The following DNPEP variants were observed in gnomAD, a reference collection of about 807,000 sequenced individuals.
DNPEP encodes the protein aspartyl aminopeptidase.
Under a neutral mutation model 59.1 loss-of-function variants are expected in DNPEP, and 46 were observed. The ratio of observed to expected loss-of-function variants is 0.78; its 90% CI spans 0.61 to 0.99. DNPEP has a LOEUF of 0.99. Ranked by LOEUF, DNPEP falls within the 50% of genes least tolerant of loss-of-function variation. DNPEP has a pLI of 0.00. For synonymous variants in DNPEP, 229 were observed against 242.2 expected, an observed-to-expected ratio of 0.95 and a Z score of 0.50; for missense variants, 617 against 649.9, an observed-to-expected ratio of 0.95 and a Z score of 0.55.
intron 13 of DNPEP, among the ~76,000 whole-genome samples, chr2:219,379,559 C>T (rs1315221245): frequency 6.6e-6 from 1 of 152,096 alleles, no homozygotes; most frequent in Non-Finnish European, 1.5e-5. Flanking sequence ...AATAGCTGTA[C>T]TATGTGTTTG....
chr2:219,387,003 C>G (rs1373814270), intron 2 of DNPEP, 23 bp from the exon 3 acceptor site: 34 of 1,614,016 alleles, frequency 2.1e-5, no homozygotes, highest in Non-Finnish European at 2.9e-5. Flanking sequence ...CACCCTCTCA[C>G]AGCGATGGAA....
intron 10 of DNPEP, 70 bp from the exon 11 acceptor site, chr2:219,382,209 G>C (rs1158944589): frequency 2.6e-6 from 4 of 1,538,450 alleles, no homozygotes; most frequent in Non-Finnish European, 3.5e-6. Flanking sequence ...CAGTGAGAGG[G>C]GCCCATTGCC....
chr2:219,399,941 T>A (rs1954160992), exon 1 of DNPEP: 4 of 1,549,132 alleles, frequency 2.6e-6, no homozygotes, highest in Non-Finnish European at 3.5e-6. Flanking sequence ...CCTGCTCACC[T>A]CCTCCCAAGG....
chr2:219,391,135 T>C (rs753562045), upstream of DNPEP, among the ~76,000 whole-genome samples: 1 of 152,240 alleles, frequency 6.6e-6, no homozygotes, highest in South Asian at 2.1e-4. Flanking sequence ...GTTTGACACA[T>C]TGTTTCCCTA....
At position 219,387,660 on chromosome 2, in the gene DNPEP, A is replaced by T. The variant is rs549814546; in HGVS notation, c.36+99T>A. On this transcript the variant is annotated intron_variant, in intron 1 of 14. Transcript: ENST00000273075. ...GGGGCTTTCGGTTTCGCTTTGGGTCAGGCGGCCCCACTGCAGCACCGCGCT... is the reference window on the plus strand; with the variant it reads ...GGGGCTTTCGGTTTCGCTTTGGGTCTGGCGGCCCCACTGCAGCACCGCGCT... 1.9e-4 allele frequency: 296 copies of T among 1,568,806 alleles called. 1 individual carries two copies. In the African/African-American group the frequency reaches 3.5e-3, roughly 18 times the overall value.
chr2:219,399,711 G>A (rs778169137), intron 1 of DNPEP, among the ~76,000 whole-genome samples: 11 of 152,202 alleles, frequency 7.2e-5, no homozygotes, highest in Non-Finnish European at 1.5e-4. Flanking sequence ...CCACTTGCTC[G>A]AGGTCTGGTT....
At chr2:219,384,532 G>T in intron 8 of DNPEP, 89 bp from the exon 9 acceptor site, 2 of 1,102,994 alleles carry the variant, frequency 1.8e-6, no homozygotes, top group Non-Finnish European at 2.7e-6. Context: ...GGTTTCTTGC[G>T]CAACCTCTCC....
upstream of DNPEP, chr2:219,388,106 G>GC (rs1437723846): frequency 2.8e-5 from 5 of 176,278 alleles, no homozygotes; most frequent in African/African-American, 1.0e-4. Flanking sequence ...CGCCCGCCCC[G>GC]CCCCGCCCCT....
At chr2:219,383,248 C>T (rs777409294) in intron 9 of DNPEP, 34 bp from the exon 10 acceptor site, 2 of 1,593,800 alleles carry the variant, frequency 1.3e-6, no homozygotes, top group South Asian at 1.1e-5. Flanking sequence ...GCATCATCTC[C>T]AACCTGCTTC....
chr2:219,390,665 C>T (rs2125149884), upstream of DNPEP, among the ~76,000 whole-genome samples: 1 of 152,110 alleles, frequency 6.6e-6, no homozygotes, highest in African/African-American at 2.4e-5. Flanking sequence ...ACTAGCCTGG[C>T]TAAAAATACA....
chr2:219,397,739 G>C (rs7599726), intron 1 of DNPEP, among the ~76,000 whole-genome samples: 11,831 of 152,156 alleles, frequency 0.078, 1,225 homozygotes, highest in African/African-American at 0.24. Flanking sequence ...ACAGGCATGT[G>C]CCACCATGCC....
chr2:219,387,427 G>A lies in DNPEP; in HGVS notation c.37-264C>T, dbSNP rs945890286. The A allele has an allele frequency of 2.8e-6, 4 of 1,429,988 alleles. No individual in the cohort carries two copies. The African/African-American group carries it at 5.8e-5, about 21-fold the overall frequency. The allele number at this position is 1,429,988 out of a possible 1,614,324, so 88.6% of individuals were successfully genotyped here. On this transcript the variant is annotated intron_variant, in intron 1 of 14. Transcript: ENST00000273075. ...CCCTAAGTCCCGCCCCCATGTCCCTGCCCAGCTAGGAAATCCTGTTCTGCT... is the reference window on the plus strand; with the variant it reads ...CCCTAAGTCCCGCCCCCATGTCCCTACCCAGCTAGGAAATCCTGTTCTGCT...
chr2:219,375,455 A>C (rs1332783260), intron 13 of DNPEP, among the ~76,000 whole-genome samples: 6 of 152,238 alleles, frequency 3.9e-5, no homozygotes, highest in African/African-American at 1.2e-4. Context: ...AAGAGAAAAC[A>C]GAATTACAAA....
In DNPEP at chr2:219,397,357, T is replaced by TTTTTG. The variant is rs533640454; in HGVS notation, c.-158+2578_-158+2582dup. Among the ~76,000 whole-genome samples the TTTTTG allele has an allele frequency of 6.1e-3, 929 of 152,084 alleles. 5 individuals are homozygous for TTTTTG. Among genetic ancestry groups the TTTTTG allele is most frequent in the Non-Finnish European group, 7.6e-3 (515 of 67,986 alleles). On this transcript the variant is annotated intron_variant, in intron 1 of 6. Transcript: ENST00000434339. ...TTTTTCTTCCAGAGAGCTAATTGGT[T>TTTTTG]TTTTGTTTTGTTTTGTTTTATTTTT...
Position 219,387,171 on chromosome 2 carries a change from A to G in DNPEP, c.37-8T>C. The G allele has an allele frequency of 1.3e-6, 2 of 1,553,198 alleles. No homozygotes were observed. Among genetic ancestry groups the G allele is most frequent in the Non-Finnish European group, 1.7e-6 (2 of 1,148,042 alleles). Reference sequence around the variant, plus strand: ...CTTACCGTTCATGGCCACCTAGGGGAGGGGGATGCTCAGACTTTTACAAGG... The same window carrying G: ...CTTACCGTTCATGGCCACCTAGGGGGGGGGGATGCTCAGACTTTTACAAGG... On this transcript the variant is annotated splice_polypyrimidine_tract_variant and splice_region_variant and intron_variant, in intron 1 of 14. Coordinates refer to ENST00000273075, the MANE Select transcript of DNPEP (RefSeq NM_012100.4).
In DNPEP at chr2:219,387,174, G is replaced by A. The variant is rs1402981950; in HGVS notation, c.37-11C>T. On this transcript the variant is annotated splice_polypyrimidine_tract_variant and intron_variant, in intron 1 of 14. Coordinates refer to ENST00000273075, the MANE Select transcript of DNPEP (RefSeq NM_012100.4). ...ACCGTTCATGGCCACCTAGGGGAGGGGGATGCTCAGACTTTTACAAGGTCT... is the reference window on the plus strand; with the variant it reads ...ACCGTTCATGGCCACCTAGGGGAGGAGGATGCTCAGACTTTTACAAGGTCT... 2 of 1,552,632 alleles carry A rather than the reference G, an allele frequency of 1.3e-6. No homozygotes were observed. The highest frequency in any genetic ancestry group is 8.7e-7 in the Non-Finnish European group (1 of 1,147,764).
At position 219,373,711 on chromosome 2, in the gene DNPEP, T is replaced by A. The variant is rs1459278831; in HGVS notation, c.*581A>T. The A allele has an allele frequency of 6.6e-5, 10 of 152,384 alleles. No individual in the cohort carries two copies. The highest frequency in any genetic ancestry group is 2.4e-4 in the African/African-American group (10 of 41,468). 9.4% of individuals were successfully genotyped at this position (152,384 alleles called of 1,614,324 possible). A position where few individuals can be genotyped will look rare whatever the true frequency, so the allele number is the denominator to read the frequency against. On this transcript the variant is annotated 3_prime_UTR_variant, in exon 15 of 15. Transcript: ENST00000273075. ...TTTCAATGATAATCTTTTTTCCTGATAATATGTTCACAATCAAGTAATACC... is the reference window on the plus strand; with the variant it reads ...TTTCAATGATAATCTTTTTTCCTGAAAATATGTTCACAATCAAGTAATACC...
intron 11 of DNPEP, 141 bp from the exon 12 acceptor site, chr2:219,381,725 C>T (rs542345635): frequency 9.4e-7 from 1 of 1,065,640 alleles, no homozygotes; most frequent in Admixed American, 1.8e-5. Flanking sequence ...ATTCCACACA[C>T]AGGGTTCCGG....
upstream of DNPEP, among the ~76,000 whole-genome samples, chr2:219,391,969 G>C (rs1414792501): frequency 6.6e-6 from 1 of 151,878 alleles, no homozygotes; most frequent in Non-Finnish European, 1.5e-5. Context: ...AGAATGTAAG[G>C]TGAGGGCCTT....
Sources: gnomAD v4.1 joint callset for allele counts (sites outside exome capture counted in the v4.1 genomes callset) on GRCh38, gnomAD v4.1.1 for gene constraint, MANE v1.5 for transcripts, NCBI Gene and HGNC (gene_info 2026-07-23, HGNC 2026-07-21) for gene names.